The following DNER variants were observed in gnomAD, a reference collection of about 807,000 sequenced individuals.
DNER encodes the protein delta and Notch-like epidermal growth factor-related receptor.
In DNER, 33 loss-of-function variants were observed where a neutral mutation model predicts 78.2. The ratio of observed to expected loss-of-function variants is 0.42; its 90% CI spans 0.32 to 0.56. The LOEUF (loss-of-function observed/expected upper bound fraction) is 0.56. DNER is among the 20% of genes least tolerant of loss of function. The pLI, the probability that DNER is intolerant of heterozygous loss-of-function variation, is 0.11. For synonymous variants in DNER, 417 were observed against 384.8 expected (o/e 1.08, Z -0.98); for missense variants, 918 against 975.3 (o/e 0.94, Z 0.78).
chr2:229,406,031 A>G (rs1286346757), intron 10 of DNER, among the ~76,000 whole-genome samples: 1 of 152,172 alleles, frequency 6.6e-6, no homozygotes, highest in East Asian at 1.9e-4. Context: ...GAAAAGCCAG[A>G]AGGAAAACAT....
chr2:229,370,816 C>T (rs149774979), intron 11 of DNER, among the ~76,000 whole-genome samples: 2 of 152,322 alleles, frequency 1.3e-5, no homozygotes, highest in Admixed American at 6.5e-5. Flanking sequence ...TGGAAGATCA[C>T]ATGAGTTCTT....
intron 4 of DNER, among the ~76,000 whole-genome samples, chr2:229,564,569 CAA>C (rs1697063069): frequency 6.7e-6 from 1 of 149,826 alleles, no homozygotes; most frequent in Non-Finnish European, 1.5e-5. Flanking sequence ...CCATCATCAT[CAA>C]CATCATCACC....
At chr2:229,588,233 C>T (rs1697535490) in intron 3 of DNER, among the ~76,000 whole-genome samples, 161 bp downstream of exon 3, 1 of 152,200 alleles carries the variant, frequency 6.6e-6, no homozygotes, top group Non-Finnish European at 1.5e-5. Flanking sequence ...TCTGAAATCG[C>T]TTCCTCTAGT....
chr2:229,511,001 G>GACAC (rs143051071), intron 6 of DNER, among the ~76,000 whole-genome samples: 2 of 151,944 alleles, frequency 1.3e-5, no homozygotes, highest in South Asian at 4.2e-4. Context: ...CCTACACACA[G>GACAC]ACACACACAC....
Position 229,418,170 on chromosome 2 carries a change from T to C in DNER, c.1547A>G (p.Asn516Ser). ...AACGAGGTCCCTGCAGGTGGCTGCATTCAGGCATGGAGCGGAGAGGCACTC... is the reference window on the plus strand; with the variant it reads ...AACGAGGTCCCTGCAGGTGGCTGCACTCAGGCATGGAGCGGAGAGGCACTC... ...YNECLSAPCLNAATCRDLVNG... is the reference protein window; with the variant it reads ...YNECLSAPCLSAATCRDLVNG... Residue 516 changes from asparagine (N) to serine (S), a missense_variant, in exon 9 of 13, where the codon AAT (asparagine) becomes AGT (serine). Transcript: ENST00000341772. 2 of 1,614,182 alleles carry C rather than the reference T, an allele frequency of 1.2e-6. No individual in the cohort carries two copies. The highest frequency in any genetic ancestry group is 1.3e-5 in the African/African-American group (1 of 75,072).
intron 1 of DNER, among the ~76,000 whole-genome samples, chr2:229,651,256 C>G (rs1698811824): frequency 6.6e-6 from 1 of 152,216 alleles, no homozygotes; most frequent in Non-Finnish European, 1.5e-5. Context: ...TAATTCCTTT[C>G]TTGCTTCAAT....
intron 12 of DNER, among the ~76,000 whole-genome samples, chr2:229,363,642 G>T (rs1271012480): frequency 6.6e-6 from 1 of 152,198 alleles, no homozygotes; most frequent in Non-Finnish European, 1.5e-5. Context: ...AAATATTTTT[G>T]ATATAAATCA....
At chr2:229,685,722 T>C (rs1481243922) in intron 1 of DNER, among the ~76,000 whole-genome samples, 1 of 152,194 alleles carries the variant, frequency 6.6e-6, no homozygotes, top group African/African-American at 2.4e-5. Flanking sequence ...ACAATGGTCA[T>C]TGAGCAACTA....
At chr2:229,575,166 A>G (rs1697275762) in intron 4 of DNER, among the ~76,000 whole-genome samples, 1 of 152,082 alleles carries the variant, frequency 6.6e-6, no homozygotes, top group Non-Finnish European at 1.5e-5. Flanking sequence ...TTTTTTTTAA[A>G]TAGAGTGTTG....
chr2:229,585,574 C>T (rs10165531), intron 4 of DNER, among the ~76,000 whole-genome samples: 3,698 of 151,636 alleles, frequency 0.024, 159 homozygotes, highest in African/African-American at 0.085. Context: ...GCAGGAGAAT[C>T]GCTTGAACTC....
intron 8 of DNER, among the ~76,000 whole-genome samples, chr2:229,436,611 C>T (rs1435544028): frequency 6.6e-6 from 1 of 152,006 alleles, no homozygotes; most frequent in Non-Finnish European, 1.5e-5. Context: ...CAGCAGAAAC[C>T]CTACAAGCCA....
chr2:229,693,261 C>T (rs1001328075), intron 1 of DNER, among the ~76,000 whole-genome samples: 3 of 151,642 alleles, frequency 2.0e-5, no homozygotes, highest in East Asian at 3.9e-4. Flanking sequence ...ATTTGCTTCC[C>T]CTTCCATCAT....
intron 4 of DNER, among the ~76,000 whole-genome samples, chr2:229,585,614 C>T (rs966062563): frequency 3.3e-5 from 5 of 151,004 alleles, no homozygotes; most frequent in African/African-American, 7.3e-5. Context: ...GAGCCAAGAT[C>T]GCGCCAGTGC....
At chr2:229,550,245 G>A (rs972313691) in intron 4 of DNER, among the ~76,000 whole-genome samples, 7 of 151,720 alleles carry the variant, frequency 4.6e-5, no homozygotes, top group Admixed American at 3.9e-4. Flanking sequence ...CTCCCGCCTC[G>A]GCCTCCCAAA....
At chr2:229,650,359 TC>T (rs1267874933) in intron 1 of DNER, among the ~76,000 whole-genome samples, 1 of 152,090 alleles carries the variant, frequency 6.6e-6, no homozygotes, top group Non-Finnish European at 1.5e-5. Flanking sequence ...AAAAAACGTA[TC>T]CTGTACTGTA....
intron 6 of DNER, among the ~76,000 whole-genome samples, chr2:229,495,071 C>A (rs952968338): frequency 1.3e-5 from 2 of 152,160 alleles, no homozygotes; most frequent in African/African-American, 2.4e-5. Context: ...GAGAATTTTC[C>A]AAATCTTCAA....
At chr2:229,698,077 GC>G in intron 1 of DNER, among the ~76,000 whole-genome samples, 1 of 152,252 alleles carries the variant, frequency 6.6e-6, no homozygotes, top group Non-Finnish European at 1.5e-5. Flanking sequence ...GGTGGCATGT[GC>G]CTGTAGTCCC....
intron 6 of DNER, among the ~76,000 whole-genome samples, chr2:229,502,946 G>T (rs142722556): frequency 2.8e-4 from 42 of 152,300 alleles, no homozygotes; most frequent in Non-Finnish European, 8.8e-5. Flanking sequence ...TAGCGAGAAT[G>T]CTGGTATGAT....
At chr2:229,512,111 A>C (rs1695874228) in intron 6 of DNER, among the ~76,000 whole-genome samples, 1 of 152,216 alleles carries the variant, frequency 6.6e-6, no homozygotes, top group South Asian at 2.1e-4. Context: ...GGCTGGGCAA[A>C]GTGTCTTATG....
Sources: gnomAD v4.1 joint callset for allele counts (sites outside exome capture counted in the v4.1 genomes callset) on GRCh38, gnomAD v4.1.1 for gene constraint, MANE v1.5 for transcripts, NCBI Gene and HGNC (gene_info 2026-07-23, HGNC 2026-07-21) for gene names.